Variants in IQSEC2 observed in about 807,000 individuals in gnomAD.
The protein encoded by IQSEC2 is IQ motif and SEC7 domain-containing protein 2.
IQSEC2 carries 6 observed loss-of-function variants against 74.6 expected under a neutral mutation model. That is an observed-to-expected ratio of 0.08 (90% CI 0.04 to 0.16). The LOEUF (loss-of-function observed/expected upper bound fraction) is 0.16, where lower values mean the gene tolerates loss of function less well. Among genes scored for constraint, IQSEC2 ranks in the 10% least tolerant of loss-of-function variants. The pLI is 1.00. For missense variants in IQSEC2, 734 were observed against 1,306.2 expected (o/e 0.56, Z 6.75); for synonymous variants, 494 against 544.5 (o/e 0.91, Z 1.29).
intron 4 of IQSEC2, 101 bp from the exon 5 acceptor site, chrX:53,251,275 A>T: frequency 1.2e-6 from 1 of 866,793 alleles, no homozygotes; most frequent in Admixed American, 2.5e-5. Flanking sequence ...GGTAAGGAAA[A>T]AGGGGGAGTC....
rs1602356939 is a variant in IQSEC2, at chrX:53,297,822, A to G, written c.708-5898T>C. On this transcript the variant is annotated intron_variant, in intron 1 of 14. Transcript: ENST00000642864. ...CTGGCTGCTCTCTAGGCCTGCCCAG[A>G]TGTTGCCCTAACAACCTCTCTCTCA... Among the ~76,000 whole-genome samples, 5 of 111,097 alleles carry G rather than the reference A, an allele frequency of 4.5e-5. No homozygotes were observed. The Middle Eastern group carries it at 0.014, about 310-fold the overall frequency.
intron 1 of IQSEC2, among the ~76,000 whole-genome samples, chrX:53,306,261 C>A (rs1212464390): frequency 8.9e-6 from 1 of 112,135 alleles, no homozygotes; most frequent in East Asian, 2.8e-4. Context: ...CCAATCCCGG[C>A]AAAGCCCAGC....
At chrX:53,263,112 C>T (rs1309825579) in intron 2 of IQSEC2, among the ~76,000 whole-genome samples, 2 of 112,280 alleles carry the variant, frequency 1.8e-5, no homozygotes, top group Non-Finnish European at 3.8e-5. Flanking sequence ...TTCTTCATCT[C>T]CCCGTGCCTT....
chrX:53,273,217 C>T (rs144687451), intron 2 of IQSEC2, among the ~76,000 whole-genome samples: 3,533 of 109,894 alleles, frequency 0.032, 149 homozygotes, highest in African/African-American at 0.11. Flanking sequence ...TAGCACTCTT[C>T]CAAGACTCAG....
chrX:53,307,005 A>AC (rs1380723009), intron 1 of IQSEC2, among the ~76,000 whole-genome samples: 1 of 110,343 alleles, frequency 9.1e-6, no homozygotes, highest in African/African-American at 3.3e-5. Flanking sequence ...TGCCACCCCA[A>AC]CCCCCAGACC....
chrX:53,285,468 TCCCCA>T (rs2075016537), intron 2 of IQSEC2, among the ~76,000 whole-genome samples: 2 of 112,419 alleles, frequency 1.8e-5, no homozygotes, highest in African/African-American at 6.5e-5. Flanking sequence ...GGTTTCAGTT[TCCCCA>T]CCTGTAAGTC....
At chrX:53,268,074 G>T (rs991709215) in intron 2 of IQSEC2, among the ~76,000 whole-genome samples, 1 of 111,688 alleles carries the variant, frequency 9.0e-6, no homozygotes, top group East Asian at 2.8e-4. Context: ...ACTGGTGCTG[G>T]GCTACAGTTT....
chrX:53,252,549 C>T (rs2074408169), intron 4 of IQSEC2, among the ~76,000 whole-genome samples: 1 of 111,039 alleles, frequency 9.0e-6, no homozygotes, highest in South Asian at 3.9e-4. Context: ...TATGGAGAGG[C>T]CCACAGGGTG....
chrX:53,283,459 G>C (rs1395980376), intron 2 of IQSEC2, among the ~76,000 whole-genome samples: 3 of 112,108 alleles, frequency 2.7e-5, no homozygotes, highest in Non-Finnish European at 5.6e-5. Context: ...TTGGTAGGTA[G>C]ACAAAGTGTG....
At chrX:53,281,679 C>G (rs1364693662) in intron 2 of IQSEC2, 1 of 575,722 alleles carries the variant, frequency 1.7e-6, no homozygotes, top group Non-Finnish European at 2.6e-6. Flanking sequence ...AAACTTTGCT[C>G]CTTCCCCTAC....
chrX:53,238,526 C>A (rs148633345), intron 11 of IQSEC2, among the ~76,000 whole-genome samples: 10 of 109,772 alleles, frequency 9.1e-5, no homozygotes, highest in Admixed American at 3.9e-4. Flanking sequence ...ACCATGGGCA[C>A]GCACCACATG....
Position 53,254,515 on chromosome X carries a change from T to C in IQSEC2, c.1401+15A>G, listed in dbSNP as rs1556864504. The stretch of plus-strand genomic sequence containing the variant: ...ACGGGGATGGGGAAGAAAGGTCCTT[T>C]TCAGGGATCCTGACCTGTTTGGAGA... On this transcript the variant is annotated intron_variant, in intron 4 of 14. Transcript: ENST00000642864. 1 of 1,191,194 alleles carries C rather than the reference T, an allele frequency of 8.4e-7. No homozygotes were observed. The highest frequency in any genetic ancestry group is 2.4e-5 in the Admixed American group (1 of 41,899).
At chrX:53,266,074 G>C (rs2074651330) in intron 2 of IQSEC2, among the ~76,000 whole-genome samples, 1 of 112,160 alleles carries the variant, frequency 8.9e-6, no homozygotes, top group Non-Finnish European at 1.9e-5. Context: ...AGAGTCATTG[G>C]AGACCCTCTA....
At chrX:53,237,588 G>A (rs782112230) in intron 12 of IQSEC2, 98 of 130,370 alleles carry the variant, frequency 7.5e-4, no homozygotes, top group Non-Finnish European at 1.2e-3. Context: ...AAATGACTTG[G>A]TGTGGCCCCT....
At chrX:53,278,003 C>CTTTTTTTTTT (rs36027805) in intron 2 of IQSEC2, among the ~76,000 whole-genome samples, 172 of 37,477 alleles carry the variant, frequency 4.6e-3, no homozygotes, top group Non-Finnish European at 5.4e-3. Context: ...TTTTCTTTTT[C>CTTTTTTTTTT]TTTTTTTTTT....
In IQSEC2 at chrX:53,250,663, G is replaced by C; in HGVS notation, c.1913C>G (p.Pro638Arg). 1 of 1,210,291 alleles carries C rather than the reference G, an allele frequency of 8.3e-7. No individual in the cohort carries two copies. The highest frequency in any genetic ancestry group is 1.1e-6 in the Non-Finnish European group (1 of 894,773). Residue 638 changes from proline to arginine, a missense_variant, in exon 5 of 15, where the codon CCA (proline) becomes CGA (arginine). Pro to Arg is a moderately radical substitution (Grantham distance 103). Around this residue, in one of 12 missense-constraint regions of IQSEC2, gnomAD observed 204 missense variants for 305.4 expected, o/e 0.67. Transcript: ENST00000642864. The stretch of plus-strand genomic sequence containing the variant: ...GCGGTGTGGGATCGGGGCCCTGCCT[G>C]GTGGCCCCTTGTGCTTCAGGGTCCC... The part of the protein sequence containing the change: ...PHGTLKHKGP[P>R]GRAPIPHRHY...
intron 1 of IQSEC2, among the ~76,000 whole-genome samples, chrX:53,306,602 AC>A (rs2075265360): frequency 9.0e-6 from 1 of 110,967 alleles, no homozygotes; most frequent in African/African-American, 3.3e-5. Flanking sequence ...AAGCAAAACA[AC>A]CATTTTTTAA....
Position 53,250,613 on chromosome X carries a change from C to T in IQSEC2, c.1963G>A (p.Ala655Thr). ...HRHYPAPEGP[A>T]PAPPGPLPPA... ...GGCAGGGGCCCTGGTGGGGCTGGGG[C>T]TGGGCCTTCAGGGGCTGGGTAGTGG... Residue 655 changes from alanine to threonine, a missense_variant, in exon 5 of 15, where the codon GCC (alanine) becomes ACC (threonine). By Grantham distance (58) the Ala-to-Thr change is moderately conservative (BLOSUM62 0). Around this residue, in one of 12 missense-constraint regions of IQSEC2, gnomAD observed 204 missense variants for 305.4 expected, o/e 0.67. Coordinates refer to ENST00000642864, the MANE Select transcript of IQSEC2 (RefSeq NM_001111125.3). 1 of 1,208,484 alleles carries T rather than the reference C, an allele frequency of 8.3e-7. No individual in the cohort carries two copies. Among genetic ancestry groups the T allele is most frequent in the Non-Finnish European group, 1.1e-6 (1 of 893,520 alleles).
At chrX:53,300,124 T>C (rs2075197273) in intron 1 of IQSEC2, among the ~76,000 whole-genome samples, 1 of 111,695 alleles carries the variant, frequency 9.0e-6, no homozygotes, top group Non-Finnish European at 1.9e-5. Context: ...TCTGAGGATG[T>C]ACCTTCAGTA....
Sources: allele counts gnomAD v4.1 joint callset (sites outside exome capture counted in the v4.1 genomes callset), GRCh38; gene constraint gnomAD v4.1.1; regional missense constraint gnomAD v4.1.1; transcripts MANE v1.5; gene names NCBI Gene and HGNC (gene_info 2026-07-23, HGNC 2026-07-21).